CCDC81: variants seen among roughly 807,000 people sequenced by gnomAD.
The protein encoded by CCDC81 is coiled-coil domain-containing protein 81.
Under a neutral mutation model 83.7 loss-of-function variants are expected in CCDC81, and 79 were observed. The ratio of observed to expected loss-of-function variants is 0.94; its 90% CI spans 0.79 to 1.14. CCDC81 has a LOEUF of 1.14. Ranked by LOEUF, CCDC81 falls within the 50% of genes most tolerant of loss-of-function variation. The pLI, the probability that CCDC81 is intolerant of heterozygous loss-of-function variation, is 0.00. For synonymous variants in CCDC81, 252 were observed against 278.1 expected, an observed-to-expected ratio of 0.91 and a Z score of 0.93; for missense variants, 791 against 778.1, an observed-to-expected ratio of 1.02 and a Z score of -0.20.
Position 86,392,786 on chromosome 11 carries a change from G to T in CCDC81, c.544G>T (p.Ala182Ser). The T allele has an allele frequency of 6.5e-7, 1 of 1,548,720 alleles. No individual in the cohort carries two copies. The highest frequency in any genetic ancestry group is 8.7e-7 in the Non-Finnish European group (1 of 1,145,646). Residue 182 changes from alanine to serine, a missense_variant, in exon 4 of 15, where the codon GCC becomes TCC. Physicochemically the swap from Ala to Ser is moderately conservative, Grantham distance 99 (BLOSUM62 1). Coordinates refer to ENST00000445632, the MANE Select transcript of CCDC81 (RefSeq NM_001156474.2). ...TMDGSGALAK[A>S]LANRPGTVDS... ...GGATGGAAGTGGGGCTTTGGCAAAGGCCCTAGCAAATGTAAATTAATATTT... is the reference window on the plus strand; with the variant it reads ...GGATGGAAGTGGGGCTTTGGCAAAGTCCCTAGCAAATGTAAATTAATATTT...
intron 2 of CCDC81, among the ~76,000 whole-genome samples, 195 bp from the exon 3 acceptor site, chr11:86,387,321 A>C (rs74805951): frequency 3.0e-3 from 459 of 152,346 alleles, no homozygotes; most frequent in African/African-American, 0.011. Flanking sequence ...TCATGGACCA[A>C]TGTATTACAT....
chr11:86,378,815 G>C (rs1051014212), intron 1 of CCDC81, among the ~76,000 whole-genome samples: 2 of 152,036 alleles, frequency 1.3e-5, no homozygotes, highest in East Asian at 1.9e-4. Flanking sequence ...TTATCATGCT[G>C]TATTTTCCTC....
chr11:86,375,368 G>A (rs909666139), intron 1 of CCDC81, 126 bp downstream of exon 1: 8 of 730,216 alleles, frequency 1.1e-5, no homozygotes, highest in Non-Finnish European at 1.8e-5. Context: ...AAGTTGCCTT[G>A]ACAACCAGCT....
At chr11:86,381,055 T>A (rs1389117239) in intron 1 of CCDC81, among the ~76,000 whole-genome samples, 1 of 151,920 alleles carries the variant, frequency 6.6e-6, no homozygotes, top group Non-Finnish European at 1.5e-5. Flanking sequence ...CCTTTAGTAA[T>A]GTAGGGGTAG....
chr11:86,407,839 C>T, intron 8 of CCDC81, 138 bp downstream of exon 8: 2 of 693,980 alleles, frequency 2.9e-6, no homozygotes, highest in Non-Finnish European at 4.9e-6. Flanking sequence ...CAAAACTAGA[C>T]TGTGATAAAT....
intron 3 of CCDC81, among the ~76,000 whole-genome samples, chr11:86,389,469 T>C (rs879328363): frequency 9.2e-5 from 14 of 152,134 alleles, no homozygotes; most frequent in Non-Finnish European, 1.3e-4. Flanking sequence ...ACAGGAAGCA[T>C]GGCTAAGAGG....
At chr11:86,416,158 T>G in intron 13 of CCDC81, among the ~76,000 whole-genome samples, 1 of 152,230 alleles carries the variant, frequency 6.6e-6, no homozygotes, top group East Asian at 1.9e-4. Context: ...TTATAAACTC[T>G]TTTCTTATTG....
In CCDC81 at chr11:86,408,282, C is replaced by A. The variant is rs372317159; in HGVS notation, c.1113+12C>A. On this transcript the variant is annotated intron_variant, in intron 9 of 14. Coordinates refer to ENST00000445632, the MANE Select transcript of CCDC81 (RefSeq NM_001156474.2). ...TCTTCAGACACCAGGTAGTCCAACACCTCGATTAGTCTTTAATATGGGGCA... is the reference window on the plus strand; with the variant it reads ...TCTTCAGACACCAGGTAGTCCAACAACTCGATTAGTCTTTAATATGGGGCA... 3 of 1,601,012 alleles carry A rather than the reference C, an allele frequency of 1.9e-6. No individual in the cohort carries two copies. The highest frequency in any genetic ancestry group is 2.6e-6 in the Non-Finnish European group (3 of 1,175,114).
intron 10 of CCDC81, among the ~76,000 whole-genome samples, chr11:86,411,649 T>C (rs1295969942): frequency 6.6e-6 from 1 of 152,192 alleles, no homozygotes; most frequent in Admixed American, 6.5e-5. Flanking sequence ...CAGAATTCCT[T>C]CTTCCTTCCA....
rs1445086940 is a variant in CCDC81 at position 86,374,960 on chromosome 11, C to T, written c.-204C>T. ...CGAGAGCCAGAGCAGTGGGGAGGGACGGCGAGAACCAATGTTTAAGTTTAT... is the reference window on the plus strand; with the variant it reads ...CGAGAGCCAGAGCAGTGGGGAGGGATGGCGAGAACCAATGTTTAAGTTTAT... On this transcript the variant is annotated 5_prime_UTR_variant, in exon 1 of 15. It adds an upstream start codon to the 5' untranslated region. Coordinates refer to ENST00000445632, the MANE Select transcript of CCDC81 (RefSeq NM_001156474.2). The T allele has an allele frequency of 1.8e-6, 1 of 553,928 alleles. No homozygotes were observed. Among genetic ancestry groups the T allele is most frequent in the Non-Finnish European group, 3.3e-6 (1 of 304,440 alleles). The allele number at this position is 553,928 out of a possible 1,614,324, so 34.3% of individuals were successfully genotyped here.
rs1429805920 is a variant in CCDC81 at position 86,375,088 on chromosome 11, T to C, written c.-76T>C. The C allele has an allele frequency of 1.5e-6, 2 of 1,331,898 alleles. No homozygotes were observed. The highest frequency in any genetic ancestry group is 1.2e-5 in the South Asian group (1 of 85,324). The allele number at this position is 1,331,898 out of a possible 1,614,324, so 82.5% of individuals were successfully genotyped here. On this transcript the variant is annotated 5_prime_UTR_variant, in exon 1 of 15. Coordinates refer to ENST00000445632, the MANE Select transcript of CCDC81 (RefSeq NM_001156474.2). ...GAGAAGGGGCTGGAGGGTGGGAAAA[T>C]TATTTTTGTGCACATTCCATATAAG... is the stretch of plus-strand genomic sequence containing the variant.
intron 1 of CCDC81, among the ~76,000 whole-genome samples, chr11:86,384,910 A>G (rs1379838527): frequency 6.6e-6 from 1 of 152,244 alleles, no homozygotes; most frequent in African/African-American, 2.4e-5. Context: ...GGTTCATATC[A>G]TACATTAACA....
intron 1 of CCDC81, among the ~76,000 whole-genome samples, chr11:86,384,517 A>G (rs76439159): frequency 0.049 from 7,460 of 152,246 alleles, 463 homozygotes; most frequent in African/African-American, 0.14. Flanking sequence ...TCATCCACCA[A>G]ACCTGCCCCT....
At chr11:86,385,839 A>G (rs1948235013) in intron 1 of CCDC81, among the ~76,000 whole-genome samples, 1 of 152,196 alleles carries the variant, frequency 6.6e-6, no homozygotes, top group Admixed American at 6.5e-5. Flanking sequence ...ATTATTTTAA[A>G]TCACATCTTC....
intron 13 of CCDC81, among the ~76,000 whole-genome samples, chr11:86,418,780 G>A (rs1948753028): frequency 6.6e-6 from 1 of 152,122 alleles, no homozygotes; most frequent in Admixed American, 6.5e-5. Flanking sequence ...AAGGCGTTCT[G>A]GAGATTGGGT....
chr11:86,380,916 C>T (rs1432025409), intron 1 of CCDC81, among the ~76,000 whole-genome samples: 1 of 152,186 alleles, frequency 6.6e-6, no homozygotes, highest in Non-Finnish European at 1.5e-5. Flanking sequence ...TTCCAACATC[C>T]CTGCCATGTC....
intron 3 of CCDC81, among the ~76,000 whole-genome samples, chr11:86,388,908 T>A (rs1428338633): frequency 1.3e-5 from 2 of 152,190 alleles, no homozygotes; most frequent in Admixed American, 6.5e-5. Flanking sequence ...AAAAAGTAGT[T>A]TAGATCTAAA....
At chr11:86,393,573 G>A (rs981717930) in intron 4 of CCDC81, among the ~76,000 whole-genome samples, 1 of 152,122 alleles carries the variant, frequency 6.6e-6, no homozygotes, top group African/African-American at 2.4e-5. Context: ...ATTTTTTAAT[G>A]TTGGTTCTAC....
At position 86,415,325 on chromosome 11, in the gene CCDC81, C is replaced by T; in HGVS notation, c.1691+12C>T. ...AGGACACAAAGAGAGTAAGGAGACC[C>T]CTGATCTTTCTCCCTCCACTTCTCC... is the stretch of plus-strand genomic sequence containing the variant. On this transcript the variant is annotated intron_variant, in intron 13 of 14. Coordinates refer to ENST00000445632, the MANE Select transcript of CCDC81 (RefSeq NM_001156474.2). 1.2e-6 allele frequency: 2 copies of T among 1,601,240 alleles called. No homozygotes were observed. The highest frequency in any genetic ancestry group is 1.7e-6 in the Non-Finnish European group (2 of 1,169,486).
Sources: gnomAD v4.1 joint callset for allele counts (sites outside exome capture counted in the v4.1 genomes callset) on GRCh38, gnomAD v4.1.1 for gene constraint, MANE v1.5 for transcripts, NCBI Gene and HGNC (gene_info 2026-07-23, HGNC 2026-07-21) for gene names.